Variants in SNTG2 observed in about 807,000 individuals in gnomAD.
The protein encoded by SNTG2 is gamma-2-syntrophin.
A neutral mutation model predicts 70.9 loss-of-function variants in SNTG2; 74 were observed. That is an observed-to-expected ratio of 1.04 (90% CI 0.86 to 1.27). The LOEUF (loss-of-function observed/expected upper bound fraction) is 1.27. SNTG2 is among the 50% of genes most tolerant of loss of function. The pLI is 0.00. For missense variants in SNTG2, 717 were observed against 690.7 expected (o/e 1.04, Z -0.43); for synonymous variants, 278 against 273.8 (o/e 1.02, Z -0.15).
chr2:1,143,139 G>A (rs1167619837), intron 6 of SNTG2, among the ~76,000 whole-genome samples: 1 of 152,198 alleles, frequency 6.6e-6, no homozygotes, highest in Non-Finnish European at 1.5e-5. Context: ...ACACAGACAT[G>A]CTGGGATCTG....
rs193258221 is a variant in SNTG2 at position 1,309,677 on chromosome 2, G to A, written c.1377+1091G>A. Among the ~76,000 whole-genome samples, 492 of 152,352 alleles carry A rather than the reference G, an allele frequency of 3.2e-3. 2 individuals are homozygous for A. The highest frequency in any genetic ancestry group is 5.2e-3 in the Non-Finnish European group (354 of 68,038). On this transcript the variant is annotated intron_variant, in intron 15 of 16. Coordinates refer to ENST00000308624, the MANE Select transcript of SNTG2 (RefSeq NM_018968.4). Reference sequence around the variant, plus strand: ...TAGGGCCATGGACTACTTCCTTTACGGAATTCCAGGGCCAGAAAATTTAAT... The same window carrying A: ...TAGGGCCATGGACTACTTCCTTTACAGAATTCCAGGGCCAGAAAATTTAAT...
At chr2:1,308,625 A>G (rs1352593320) in intron 15 of SNTG2, 39 bp downstream of exon 15, 3 of 1,500,084 alleles carry the variant, frequency 2.0e-6, no homozygotes, top group East Asian at 4.9e-5. Context: ...CCCCATTGCC[A>G]TGTGCTTGGT....
intron 1 of SNTG2, among the ~76,000 whole-genome samples, chr2:982,863 A>G (rs1247257582): frequency 6.6e-6 from 1 of 152,086 alleles, no homozygotes; most frequent in African/African-American, 2.4e-5. Flanking sequence ...GCCTGGAGGA[A>G]ACTGTGAGAC....
At chr2:1,203,850 C>T (rs889112299) in intron 8 of SNTG2, among the ~76,000 whole-genome samples, 1 of 151,856 alleles carries the variant, frequency 6.6e-6, no homozygotes, top group Non-Finnish European at 1.5e-5. Flanking sequence ...TTCAGGAATG[C>T]AAGCTTCGTA....
At chr2:968,897 G>A (rs1660651675) in intron 1 of SNTG2, among the ~76,000 whole-genome samples, 1 of 152,020 alleles carries the variant, frequency 6.6e-6, no homozygotes, top group Admixed American at 6.6e-5. Flanking sequence ...GTCAATGTTT[G>A]GTTTTGTTCC....
At chr2:1,148,836 AG>A (rs5828810) in intron 6 of SNTG2, among the ~76,000 whole-genome samples, 140,783 of 150,954 alleles carry the variant, frequency 0.93, 65,380 homozygotes, top group Middle Eastern at 0.97. Context: ...GAGGGAAGGG[AG>A]GAGGCGCCTT....
intron 14 of SNTG2, among the ~76,000 whole-genome samples, chr2:1,273,682 A>C (rs1307299807): frequency 6.6e-6 from 1 of 151,008 alleles, no homozygotes; most frequent in Non-Finnish European, 1.5e-5. Flanking sequence ...ATAGAATGAA[A>C]TATAAGTACA....
rs529373645 is a variant in SNTG2 at position 1,208,837 on chromosome 2, T to C, written c.592-266T>C. On this transcript the variant is annotated intron_variant, in intron 8 of 16. Transcript: ENST00000308624. ...CTGTGTCTACAACTTTCCCTCCAGATTTAGGCCCCTCTTCTCCTTCTCCTT... is the reference window on the plus strand; with the variant it reads ...CTGTGTCTACAACTTTCCCTCCAGACTTAGGCCCCTCTTCTCCTTCTCCTT... Among the ~76,000 whole-genome samples the C allele has an allele frequency of 3.3e-5, 5 of 152,288 alleles. No homozygotes were observed. The South Asian group carries it at 8.3e-4, about 25-fold the overall frequency.
At chr2:1,135,046 T>C (rs1254736304) in intron 4 of SNTG2, among the ~76,000 whole-genome samples, 1 of 152,138 alleles carries the variant, frequency 6.6e-6, no homozygotes, top group Non-Finnish European at 1.5e-5. Context: ...CAAAAAAGTC[T>C]GGGTCCAGGG....
chr2:1,164,948 A>G (rs966240276), intron 6 of SNTG2, among the ~76,000 whole-genome samples: 24 of 152,202 alleles, frequency 1.6e-4, no homozygotes, highest in African/African-American at 4.6e-4. Flanking sequence ...TAGTGTCTCA[A>G]TCAGATTTAA....
At chr2:1,180,641 A>C (rs1306848929) in intron 8 of SNTG2, among the ~76,000 whole-genome samples, 1 of 149,594 alleles carries the variant, frequency 6.7e-6, no homozygotes, top group Non-Finnish European at 1.5e-5. Context: ...TAGTTCAACC[A>C]TTGTGGAAGT....
At chr2:996,054 T>G (rs1661672124) in intron 1 of SNTG2, among the ~76,000 whole-genome samples, 1 of 152,202 alleles carries the variant, frequency 6.6e-6, no homozygotes, top group Non-Finnish European at 1.5e-5. Context: ...GAGGAAACAC[T>G]TTTATTGTCT....
intron 15 of SNTG2, among the ~76,000 whole-genome samples, chr2:1,315,632 T>C (rs972278637): frequency 2.0e-5 from 3 of 152,162 alleles, no homozygotes; most frequent in Admixed American, 6.5e-5. Flanking sequence ...TAAGAGTTTG[T>C]AGAGTACATT....
intron 1 of SNTG2, among the ~76,000 whole-genome samples, chr2:992,713 T>C (rs1002753993): frequency 7.9e-5 from 12 of 152,226 alleles, no homozygotes; most frequent in Non-Finnish European, 1.8e-4. Context: ...ATTAAGTTCA[T>C]GTTGAAAAGC....
chr2:998,191 A>C (rs1437402057), intron 1 of SNTG2, among the ~76,000 whole-genome samples: 1 of 152,228 alleles, frequency 6.6e-6, no homozygotes, highest in Non-Finnish European at 1.5e-5. Flanking sequence ...AATAACAAGA[A>C]GGCATAGTTT....
chr2:971,763 A>T (rs1660749630), intron 1 of SNTG2, among the ~76,000 whole-genome samples: 1 of 144,164 alleles, frequency 6.9e-6, no homozygotes, highest in Admixed American at 6.9e-5. Flanking sequence ...TGTTAATTGG[A>T]GGTCTTTTTT....
At chr2:1,279,471 G>C (rs766518351) in intron 14 of SNTG2, among the ~76,000 whole-genome samples, 4 of 152,150 alleles carry the variant, frequency 2.6e-5, no homozygotes, top group Non-Finnish European at 5.9e-5. Flanking sequence ...ATTCCCTAAG[G>C]GTCTCGGAAT....
chr2:1,061,489 G>T (rs1662821519), intron 1 of SNTG2, among the ~76,000 whole-genome samples: 1 of 152,164 alleles, frequency 6.6e-6, no homozygotes, highest in Non-Finnish European at 1.5e-5. Context: ...TGATAAAAGG[G>T]CAGGCATGCT....
chr2:957,454 G>A (rs146829115), intron 1 of SNTG2, among the ~76,000 whole-genome samples: 21 of 152,098 alleles, frequency 1.4e-4, no homozygotes, highest in Admixed American at 1.2e-3. Context: ...TGCACCTTAC[G>A]TACGTGCAGA....
Sources: allele counts gnomAD v4.1 joint callset (sites outside exome capture counted in the v4.1 genomes callset), GRCh38; gene constraint gnomAD v4.1.1; transcripts MANE v1.5; gene names NCBI Gene and HGNC (gene_info 2026-07-23, HGNC 2026-07-21).